TMEM150C: variants seen among roughly 807,000 people sequenced by gnomAD.
TMEM150C encodes the protein transmembrane protein 150C.
In TMEM150C, 10 loss-of-function variants were observed where a neutral mutation model predicts 29.9. The observed-to-expected ratio is 0.33, with a 90% confidence interval of 0.21 to 0.57. The LOEUF is 0.57. TMEM150C is among the 20% of genes least tolerant of loss of function. TMEM150C has a pLI of 0.88. For missense variants in TMEM150C, 251 were observed against 303.6 expected (o/e 0.83, Z 1.29); for synonymous variants, 101 against 112.5 (o/e 0.90, Z 0.64).
chr4:82,507,030 A>G (rs1293589758), intron 1 of TMEM150C, among the ~76,000 whole-genome samples: 2 of 152,290 alleles, frequency 1.3e-5, no homozygotes, highest in East Asian at 3.9e-4. Flanking sequence ...GGTGTTACAG[A>G]ATCTAGGAGC....
intron 5 of TMEM150C, among the ~76,000 whole-genome samples, chr4:82,496,669 T>G (rs946640300): frequency 2.0e-5 from 3 of 152,016 alleles, no homozygotes; most frequent in Non-Finnish European, 2.9e-5. Context: ...CTTAGAACAG[T>G]GTGGAAAATA....
intron 6 of TMEM150C, chr4:82,491,275 G>T: frequency 2.9e-6 from 2 of 679,956 alleles, no homozygotes; most frequent in Non-Finnish European, 5.4e-6. Flanking sequence ...TTCTCAGCCT[G>T]GGCCAACAGC....
At chr4:82,554,355 A>G (rs1472356147) in intron 1 of TMEM150C, among the ~76,000 whole-genome samples, 1 of 152,168 alleles carries the variant, frequency 6.6e-6, no homozygotes, top group Non-Finnish European at 1.5e-5. Context: ...AAGTTCAGTA[A>G]AAAAATACTA....
chr4:82,499,350 T>G (rs1422758045), intron 5 of TMEM150C, among the ~76,000 whole-genome samples: 1 of 152,208 alleles, frequency 6.6e-6, no homozygotes, highest in African/African-American at 2.4e-5. Context: ...AAACTCATCC[T>G]TCTGTGGTTT....
intron 1 of TMEM150C, among the ~76,000 whole-genome samples, chr4:82,505,471 C>T (rs1434990131): frequency 2.0e-5 from 3 of 152,160 alleles, no homozygotes; most frequent in African/African-American, 7.2e-5. Flanking sequence ...ATACTTCAAC[C>T]TACTTTTAGT....
Position 82,483,360 on chromosome 4 carries a change from A to C in TMEM150C, c.*2151T>G, listed in dbSNP as rs1008520133. The C allele has an allele frequency of 6.6e-6, 1 of 152,224 alleles. No individual in the cohort carries two copies. Among genetic ancestry groups the C allele is most frequent in the African/African-American group, 2.4e-5 (1 of 41,462 alleles). 9.4% of individuals were successfully genotyped at this position (152,224 alleles called of 1,614,324 possible). A position where few individuals can be genotyped will look rare whatever the true frequency, so the allele number is the denominator to read the frequency against. ...TACATAAGTCTTTGTTCTTTGATAA[A>C]AATTTTAAAATATAAAAATGAAAAA... is the stretch of plus-strand genomic sequence containing the variant. On this transcript the variant is annotated 3_prime_UTR_variant, in exon 8 of 8. Transcript: ENST00000449862.
At chr4:82,560,232 T>G (rs552321704) in intron 1 of TMEM150C, among the ~76,000 whole-genome samples, 15 of 152,332 alleles carry the variant, frequency 9.8e-5, no homozygotes, top group East Asian at 5.8e-4. Flanking sequence ...AAATGCCAAT[T>G]TAAATAATCC....
chr4:82,532,893 T>G (rs974123647), intron 1 of TMEM150C, among the ~76,000 whole-genome samples: 5 of 152,098 alleles, frequency 3.3e-5, no homozygotes, highest in African/African-American at 1.2e-4. Flanking sequence ...CACGCCCGGC[T>G]AATTTTTTGT....
rs185284356 is a variant in TMEM150C at position 82,543,001 on chromosome 4, T to C, written c.-11+18905A>G. Among the ~76,000 whole-genome samples the C allele has an allele frequency of 7.9e-5, 12 of 152,322 alleles. No homozygotes were observed. The East Asian group carries it at 2.1e-3, about 27-fold the overall frequency. On this transcript the variant is annotated intron_variant, in intron 1 of 7. Transcript: ENST00000449862. ...GCACTGTATTAATGACTGTTATGTA[T>C]ATAGCACTTACTATGTGCCTGGCAC...
At chr4:82,540,114 CTTTTTTTT>C (rs577728662) in intron 1 of TMEM150C, among the ~76,000 whole-genome samples, 2 of 47,252 alleles carry the variant, frequency 4.2e-5, no homozygotes, top group Admixed American at 2.6e-4. Context: ...TCTACCTATT[CTTTTTTTT>C]TTTTTTTTTT....
Position 82,483,654 on chromosome 4 carries a change from T to C in TMEM150C, c.*1857A>G, listed in dbSNP as rs1049586568. On this transcript the variant is annotated 3_prime_UTR_variant, in exon 8 of 8. Transcript: ENST00000449862. ...TACTCTTAAATTATTAATAATTCTA[T>C]TCAACAGACATTTATTGAGCACCTA... The C allele has an allele frequency of 6.6e-6, 1 of 152,234 alleles. No homozygotes were observed. Among genetic ancestry groups the C allele is most frequent in the Non-Finnish European group, 1.5e-5 (1 of 68,048 alleles). The allele number at this position is 152,234 out of a possible 1,614,324, so 9.4% of individuals were successfully genotyped here.
rs191615356 is a variant in TMEM150C, at chr4:82,545,434, A to G, written c.-11+16472T>C. On this transcript the variant is annotated intron_variant, in intron 1 of 7. Coordinates refer to ENST00000449862, the MANE Select transcript of TMEM150C (RefSeq NM_001080506.3). ...CATCTAGGACAAACCCACAGCCAACATTATACTGAATGGGCAAAACCTGGA... is the reference window on the plus strand; with the variant it reads ...CATCTAGGACAAACCCACAGCCAACGTTATACTGAATGGGCAAAACCTGGA... Among the ~76,000 whole-genome samples the G allele has an allele frequency of 3.6e-4, 55 of 152,340 alleles. No individual in the cohort carries two copies. The East Asian group carries it at 9.6e-3, about 27-fold the overall frequency.
chr4:82,539,256 G>A (rs1198863408), intron 1 of TMEM150C, among the ~76,000 whole-genome samples: 1 of 152,086 alleles, frequency 6.6e-6, no homozygotes, highest in African/African-American at 2.4e-5. Context: ...AAATTAGGAT[G>A]AATGAATACT....
intron 1 of TMEM150C, among the ~76,000 whole-genome samples, chr4:82,549,649 T>C (rs1157534302): frequency 1.3e-5 from 2 of 152,206 alleles, no homozygotes; most frequent in Non-Finnish European, 2.9e-5. Context: ...AACATGTAAG[T>C]AATTAAAATT....
At chr4:82,491,131 C>T (rs961184156) in intron 6 of TMEM150C, 4 of 701,750 alleles carry the variant, frequency 5.7e-6, no homozygotes, top group Non-Finnish European at 1.0e-5. Flanking sequence ...ACAGCTAGCT[C>T]GATGGGATCC....
intron 1 of TMEM150C, among the ~76,000 whole-genome samples, chr4:82,544,571 G>C (rs1016330921): frequency 2.0e-5 from 3 of 151,384 alleles, no homozygotes; most frequent in African/African-American, 7.4e-5. Context: ...TTGAGCCCAG[G>C]GGTTCGAGAC....
chr4:82,490,786 AT>A (rs1332800386), intron 6 of TMEM150C: 2 of 426,270 alleles, frequency 4.7e-6, no homozygotes, highest in Non-Finnish European at 8.8e-6. Context: ...TATTACTTTA[AT>A]TGTTTTTTAA....
At chr4:82,559,741 A>T (rs959946893) in intron 1 of TMEM150C, among the ~76,000 whole-genome samples, 4 of 152,212 alleles carry the variant, frequency 2.6e-5, no homozygotes, top group African/African-American at 9.7e-5. Flanking sequence ...TCTAAGTGTT[A>T]CAGATTCTTC....
At chr4:82,517,167 C>T (rs1410587964) in intron 1 of TMEM150C, among the ~76,000 whole-genome samples, 1 of 152,206 alleles carries the variant, frequency 6.6e-6, no homozygotes, top group Non-Finnish European at 1.5e-5. Context: ...CTGGAACAGA[C>T]CTTGTAAATT....
Sources: allele counts gnomAD v4.1 joint callset (sites outside exome capture counted in the v4.1 genomes callset), GRCh38; gene constraint gnomAD v4.1.1; transcripts MANE v1.5; gene names NCBI Gene and HGNC (gene_info 2026-07-23, HGNC 2026-07-21).